MAGEA8: variants seen among roughly 807,000 people sequenced by gnomAD.
The protein encoded by MAGEA8 is melanoma-associated antigen 8.
For synonymous variants in MAGEA8, 104 were observed against 102.6 expected (o/e 1.01, Z -0.08); for missense variants, 229 against 251.1 (o/e 0.91, Z 0.59).
At chrX:149,883,524 A>G (rs782699241) in intron 1 of MAGEA8, among the ~76,000 whole-genome samples, 16 of 111,852 alleles carry the variant, frequency 1.4e-4, no homozygotes, top group African/African-American at 4.9e-4. Context: ...CATTTTGTGT[A>G]GCTATTGCTT....
chrX:149,885,454 G>A lies in MAGEA8; in HGVS notation c.*225G>A, dbSNP rs1377846747. 2.8e-6 allele frequency: 1 copy of A among 358,482 alleles called. No homozygotes were observed. Among genetic ancestry groups the A allele is most frequent in the Non-Finnish European group, 4.9e-6 (1 of 202,377 alleles). The allele number at this position is 358,482 out of a possible 1,213,427, so 29.5% of individuals were successfully genotyped here. On this transcript the variant is annotated 3_prime_UTR_variant, in exon 3 of 3. Transcript: ENST00000286482. ...TTCCTGTTCTATTGGGCGATTTGGA[G>A]GTTTATCTTTGTTTCCTTTTGGAAT...
At chrX:149,882,473 C>T (rs1205132729) in intron 1 of MAGEA8, among the ~76,000 whole-genome samples, 1 of 111,246 alleles carries the variant, frequency 9.0e-6, no homozygotes, top group Non-Finnish European at 1.9e-5. Context: ...TGAAGGGCGT[C>T]CTCAGCTCAG....
chrX:149,884,623 T>C lies in MAGEA8; in HGVS notation c.351T>C (p.Ala117=). 2 of 1,210,836 alleles carry C rather than the reference T, an allele frequency of 1.7e-6. No homozygotes were observed. The highest frequency in any genetic ancestry group is 2.2e-6 in the Non-Finnish European group (2 of 894,886). Residue 117 remains alanine (A), a synonymous_variant, in exon 3 of 3, where the codon GCT becomes GCC. Coordinates refer to ENST00000286482, the MANE Select transcript of MAGEA8 (RefSeq NM_005364.5). ...GGGAAGCACTTGATGAGAAAGTGGC[T>C]GAGTTAGTTCGTTTCCTGCTCCGCA... The part of the protein sequence containing the change: ...LFREALDEKV[A]ELVRFLLRKY...
rs1351911686 is a variant in MAGEA8 at position 149,885,410 on chromosome X, A to G, written c.*181A>G. ...GAGCATGTTGGGTGTGAGGGAACAC[A>G]GTGTGGACCATCTCTCAGTTCCTGT... On this transcript the variant is annotated 3_prime_UTR_variant, in exon 3 of 3. Coordinates refer to ENST00000286482, the MANE Select transcript of MAGEA8 (RefSeq NM_005364.5). 2 of 394,901 alleles carry G rather than the reference A, an allele frequency of 5.1e-6. No homozygotes were observed. The highest frequency in any genetic ancestry group is 7.8e-5 in the East Asian group (2 of 25,504). The allele number at this position is 394,901 out of a possible 1,213,427, so 32.5% of individuals were successfully genotyped here.
At chrX:149,881,708 A>G (rs1557370572) in intron 1 of MAGEA8, among the ~76,000 whole-genome samples, 8 of 105,183 alleles carry the variant, frequency 7.6e-5, no homozygotes, top group African/African-American at 2.8e-4. Context: ...GGGCTGATGC[A>G]GCAAAGGGGC....
Position 149,884,551 on chromosome X carries a change from G to A in MAGEA8, c.279G>A (p.Glu93=), listed in dbSNP as rs1242873963. Residue 93 remains glutamate (E), a synonymous_variant, in exon 3 of 3, where the codon GAG becomes GAA. Coordinates refer to ENST00000286482, the MANE Select transcript of MAGEA8 (RefSeq NM_005364.5). ...SDEGSSSNEE[E]GPSTSPDPAH... ...AGGGTTCCAGCAGCAATGAAGAGGA[G>A]GGGCCAAGCACCTCCCCGGACCCAG... The A allele has an allele frequency of 1.4e-5, 17 of 1,210,055 alleles. No homozygotes were observed. Among genetic ancestry groups the A allele is most frequent in the African/African-American group, 8.7e-5 (5 of 57,252 alleles).
rs782492871 is a variant in MAGEA8, at chrX:149,884,317, C to T, written c.45C>T (p.Gly15=). ...GTCAGCGCTACAAGGCTGAGGAAGG[C>T]CTTCAGGCCCAAGGAGAGGCACCAG... ...QKSQRYKAEE[G]LQAQGEAPGL... is the part of the protein sequence containing the mutation. Residue 15 remains glycine, a synonymous_variant, in exon 3 of 3, where the codon GGC becomes GGT. Transcript: ENST00000286482. The T allele has an allele frequency of 3.3e-6, 4 of 1,204,810 alleles. No individual in the cohort carries two copies. The highest frequency in any genetic ancestry group is 3.4e-6 in the Non-Finnish European group (3 of 892,107).
In MAGEA8 at chrX:149,884,593, G is replaced by T. The variant is rs1557370935; in HGVS notation, c.321G>T (p.Leu107=). ...TSPDPAHLES[L]FREALDEKVA... ...CGGACCCAGCTCACCTGGAGTCCCTGTTCCGGGAAGCACTTGATGAGAAAG... is the reference window on the plus strand; with the variant it reads ...CGGACCCAGCTCACCTGGAGTCCCTTTTCCGGGAAGCACTTGATGAGAAAG... Residue 107 remains leucine (L), a synonymous_variant, in exon 3 of 3, where the codon CTG becomes CTT. Coordinates refer to ENST00000286482, the MANE Select transcript of MAGEA8 (RefSeq NM_005364.5). 1 of 1,210,880 alleles carries T rather than the reference G, an allele frequency of 8.3e-7. No individual in the cohort carries two copies. The highest frequency in any genetic ancestry group is 2.2e-5 in the Admixed American group (1 of 46,022).
At chrX:149,881,467 G>C (rs2090726902) in intron 1 of MAGEA8, among the ~76,000 whole-genome samples, 182 bp downstream of exon 1, 1 of 112,055 alleles carries the variant, frequency 8.9e-6, no homozygotes, top group East Asian at 2.9e-4. Context: ...GGTGTGACCA[G>C]AGCAGGGCTG....
intron 1 of MAGEA8, among the ~76,000 whole-genome samples, chrX:149,881,712 A>G (rs1397812124): frequency 9.4e-6 from 1 of 106,423 alleles, no homozygotes; most frequent in Non-Finnish European, 1.9e-5. Context: ...TGATGCAGCA[A>G]AGGGGCTTCA....
chrX:149,884,772 T>C lies in MAGEA8; in HGVS notation c.500T>C (p.Ile167Thr). 8.3e-7 allele frequency: 1 copy of C among 1,211,653 alleles called. No individual in the cohort carries two copies. Among genetic ancestry groups the C allele is most frequent in the East Asian group, 3.0e-5 (1 of 33,830 alleles). ...GAGTGCATGCAGGTGATCTTTGGCATTGATGTGAAGGAAGTGGACCCTGCC... is the reference window on the plus strand; with the variant it reads ...GAGTGCATGCAGGTGATCTTTGGCACTGATGTGAAGGAAGTGGACCCTGCC... Reference protein sequence around the residue: ...ASECMQVIFGIDVKEVDPAGH... With the variant: ...ASECMQVIFGTDVKEVDPAGH... The change falls in exon 3 of 3, where the codon ATT (isoleucine) becomes ACT (threonine). Residue 167 changes from isoleucine (I) to threonine (T), a missense_variant. Coordinates refer to ENST00000286482, the MANE Select transcript of MAGEA8 (RefSeq NM_005364.5).
At chrX:149,881,881 CA>C (rs1557370596) in intron 1 of MAGEA8, among the ~76,000 whole-genome samples, 1 of 109,744 alleles carries the variant, frequency 9.1e-6, no homozygotes, top group Non-Finnish European at 1.9e-5. Flanking sequence ...GACTGAAACT[CA>C]AGTCAGCAGG....
rs1557371089 is a variant in MAGEA8 at position 149,885,275 on chromosome X, T to A, written c.*46T>A. On this transcript the variant is annotated 3_prime_UTR_variant, in exon 3 of 3. Transcript: ENST00000286482. ...CAGTGGGGCAGGTTGTGGGAGGGCC[T>A]GGGCCAGTGCACGTTCCAGGGCCAC... The A allele has an allele frequency of 3.0e-6, 3 of 1,001,991 alleles. No individual in the cohort carries two copies. The highest frequency in any genetic ancestry group is 4.1e-6 in the Non-Finnish European group (3 of 727,735). 82.6% of individuals were successfully genotyped at this position (1,001,991 alleles called of 1,213,427 possible).
In MAGEA8 at chrX:149,884,283, G is replaced by A; in HGVS notation, c.11G>A (p.Gly4Glu). MLL[G>E]QKSQRYKAEE... ...CTGACCTGAGTCATCATGCTTCTTG[G>A]GCAGAAGAGTCAGCGCTACAAGGCT... Residue 4 changes from glycine (G) to glutamate (E), a missense_variant, in exon 3 of 3, where the codon GGG becomes GAG. Transcript: ENST00000286482. The A allele has an allele frequency of 1.7e-6, 2 of 1,192,049 alleles. No individual in the cohort carries two copies. Among genetic ancestry groups the A allele is most frequent in the Non-Finnish European group, 2.3e-6 (2 of 885,274 alleles).
At chrX:149,881,975 G>T (rs139495447) in intron 1 of MAGEA8, among the ~76,000 whole-genome samples, 318 of 110,759 alleles carry the variant, frequency 2.9e-3, no homozygotes, top group African/African-American at 9.7e-3. Context: ...GATCAGTGGA[G>T]ATCTCAGCCT....
Position 149,884,869 on chromosome X carries a change from G to T in MAGEA8, c.597G>T (p.Thr199=), listed in dbSNP as rs5983915. The T allele has an allele frequency of 2.5e-6, 3 of 1,210,746 alleles. No individual in the cohort carries two copies. Among genetic ancestry groups the T allele is most frequent in the Non-Finnish European group, 3.4e-6 (3 of 895,082 alleles). Residue 199 remains threonine, a synonymous_variant, in exon 3 of 3, where the codon ACG becomes ACT. Transcript: ENST00000286482. ...YDGLLGDDQS[T]PKTGLLIIVL... ...GCCTGCTGGGTGATGATCAGAGTACGCCCAAGACCGGCCTCCTGATAATCG... is the reference window on the plus strand; with the variant it reads ...GCCTGCTGGGTGATGATCAGAGTACTCCCAAGACCGGCCTCCTGATAATCG...
chrX:149,881,622 TGGCGGCCG>T (rs2090729406), intron 1 of MAGEA8, among the ~76,000 whole-genome samples: 60 of 102,950 alleles, frequency 5.8e-4, no homozygotes, highest in African/African-American at 1.9e-3. Flanking sequence ...CGGCCGGGCA[TGGCGGCCG>T]GGCATGGCGG....
At chrX:149,881,533 G>A (rs1304805282) in intron 1 of MAGEA8, among the ~76,000 whole-genome samples, 1 of 111,227 alleles carries the variant, frequency 9.0e-6, no homozygotes, top group Non-Finnish European at 1.9e-5. Context: ...GACCCTGAGG[G>A]AGGGCTGAGG....
intron 1 of MAGEA8, chrX:149,883,041 G>A (rs782329114): frequency 8.9e-6 from 1 of 112,205 alleles, no homozygotes; most frequent in Non-Finnish European, 1.9e-5. Flanking sequence ...ACTGAGGGAA[G>A]ATTGAGGGTA....
Sources: allele counts gnomAD v4.1 joint callset (sites outside exome capture counted in the v4.1 genomes callset), GRCh38; gene constraint gnomAD v4.1.1; transcripts MANE v1.5; gene names NCBI Gene and HGNC (gene_info 2026-07-23, HGNC 2026-07-21).